The following TMEM236 variants were observed in gnomAD, a reference collection of about 807,000 sequenced individuals.
TMEM236 encodes the protein transmembrane protein 236.
A neutral mutation model predicts 14.7 loss-of-function variants in TMEM236; 11 were observed. That is an observed-to-expected ratio of 0.75 (90% CI 0.47 to 1.24). The LOEUF is 1.24. Among genes scored for constraint, TMEM236 ranks in the 50% most tolerant of loss-of-function variants. The pLI is 0.00. For synonymous variants in TMEM236, 182 were observed against 168.6 expected, an observed-to-expected ratio of 1.08 and a Z score of -0.62; for missense variants, 464 against 427.3, an observed-to-expected ratio of 1.09 and a Z score of -0.76.
chr10:17,784,511 T>A (rs2131760377), intron 3 of TMEM236, among the ~76,000 whole-genome samples: 1 of 152,312 alleles, frequency 6.6e-6, no homozygotes, highest in South Asian at 2.1e-4. Context: ...CTGATTTATA[T>A]CTCTAATTAA....
In TMEM236 at chr10:17,795,968, A is replaced by T; in HGVS notation, c.520A>T (p.Thr174Ser). The T allele has an allele frequency of 6.2e-7, 1 of 1,613,912 alleles. No individual in the cohort carries two copies. The highest frequency in any genetic ancestry group is 8.5e-7 in the Non-Finnish European group (1 of 1,179,850). ...IHSTSLQHIK[T>S]VTEQVRQSPE... ...TTCAACCTCTTTGCAACACATAAAA[A>T]CTGTGACGGAGCAAGTGAGGCAAAG... The change falls in exon 4 of 4, where the codon ACT (threonine) becomes TCT (serine). Residue 174 changes from threonine (T) to serine (S), a missense_variant. Coordinates refer to ENST00000377495, the MANE Select transcript of TMEM236 (RefSeq NM_001098844.3).
intron 3 of TMEM236, among the ~76,000 whole-genome samples, chr10:17,791,008 ACT>A (rs1288611092): frequency 1.3e-5 from 2 of 152,026 alleles, no homozygotes; most frequent in African/African-American, 4.8e-5. Flanking sequence ...GGACCATAAG[ACT>A]CTCTATAATC....
At chr10:17,771,246 A>G in intron 1 of TMEM236, 63 bp from the exon 2 acceptor site, 1 of 1,499,142 alleles carries the variant, frequency 6.7e-7, no homozygotes, top group Non-Finnish European at 9.3e-7. Flanking sequence ...AAATTAGCAA[A>G]ATGTAAGAGG....
intron 3 of TMEM236, 41 bp from the exon 4 acceptor site, chr10:17,795,880 C>A: frequency 6.3e-7 from 1 of 1,590,390 alleles, no homozygotes; most frequent in Non-Finnish European, 8.6e-7. Flanking sequence ...AAAATGGATA[C>A]ATTTTAAAAA....
intron 1 of TMEM236, among the ~76,000 whole-genome samples, chr10:17,757,430 T>C (rs972042231): frequency 1.3e-5 from 2 of 151,282 alleles, no homozygotes; most frequent in Non-Finnish European, 3.0e-5. Context: ...AGACCCTGTC[T>C]CTACAAAAAA....
chr10:17,798,448 A>C lies in TMEM236; in HGVS notation c.*1944A>C. 3 of 440,884 alleles carry C rather than the reference A, an allele frequency of 6.8e-6. No individual in the cohort carries two copies. The highest frequency in any genetic ancestry group is 5.3e-5 in the South Asian group (3 of 56,802). The allele number at this position is 440,884 out of a possible 1,614,324, so 27.3% of individuals were successfully genotyped here. ...CAGCTACTTAGGAGGCTGGGGCAGG[A>C]AGATTGCTTGAGCCCAGGAGGTCAA... On this transcript the variant is annotated 3_prime_UTR_variant, in exon 4 of 4. Transcript: ENST00000377495.
At chr10:17,776,625 A>G (rs922331614) in intron 3 of TMEM236, among the ~76,000 whole-genome samples, 6 of 152,188 alleles carry the variant, frequency 3.9e-5, no homozygotes, top group Non-Finnish European at 8.8e-5. Flanking sequence ...TAAAAATGCC[A>G]AAGATCACAC....
Position 17,799,840 on chromosome 10 carries a change from A to G in TMEM236, c.*3336A>G, listed in dbSNP as rs943696390. The G allele has an allele frequency of 1.0e-4, 9 of 89,466 alleles. No homozygotes were observed. The highest frequency in any genetic ancestry group is 2.0e-4 in the Non-Finnish European group (9 of 44,366). 5.5% of individuals were successfully genotyped at this position (89,466 alleles called of 1,614,324 possible). A position where few individuals can be genotyped will look rare whatever the true frequency, so the allele number is the denominator to read the frequency against. On this transcript the variant is annotated 3_prime_UTR_variant, in exon 4 of 4. Coordinates refer to ENST00000377495, the MANE Select transcript of TMEM236 (RefSeq NM_001098844.3). ...AATGTGCCTGATATTTTCGGAAGTC[A>G]CAACACTATACAAATAATGAAGGCA...
At chr10:17,793,374 A>G (rs1837959069) in intron 3 of TMEM236, among the ~76,000 whole-genome samples, 2 of 152,366 alleles carry the variant, frequency 1.3e-5, no homozygotes, top group African/African-American at 4.8e-5. Flanking sequence ...TGACAAAGCC[A>G]TTGGGATTTT....
chr10:17,792,868 A>G (rs898470071), intron 3 of TMEM236, among the ~76,000 whole-genome samples: 6 of 152,222 alleles, frequency 3.9e-5, no homozygotes, highest in African/African-American at 1.4e-4. Context: ...CTAAGTGGAC[A>G]TTTAGAAAGT....
intron 1 of TMEM236, among the ~76,000 whole-genome samples, chr10:17,756,615 G>A (rs1366664768): frequency 1.3e-5 from 2 of 152,170 alleles, no homozygotes; most frequent in East Asian, 3.8e-4. Flanking sequence ...ATTTTTATGA[G>A]TTTATCGTTA....
At position 17,796,486 on chromosome 10, in the gene TMEM236, T is replaced by A; in HGVS notation, c.1038T>A (p.Phe346Leu). ...CCAGAATCAGGATTTTTTCTGCCTT[T>A]GAAATGTCTCCATTTTAAAAAGGAA... is the stretch of plus-strand genomic sequence containing the variant. ...YLTRIRIFSA[F>L]EMSPF The change falls in exon 4 of 4, where the codon TTT (phenylalanine) becomes TTA (leucine). Residue 346 changes from phenylalanine (F) to leucine (L), a missense_variant. By Grantham distance (22) the Phe-to-Leu change is conservative. Transcript: ENST00000377495. The A allele has an allele frequency of 6.2e-7, 1 of 1,612,878 alleles. No individual in the cohort carries two copies. Among genetic ancestry groups the A allele is most frequent in the Non-Finnish European group, 8.5e-7 (1 of 1,178,968 alleles).
At chr10:17,761,213 T>C (rs1185876835) in intron 1 of TMEM236, among the ~76,000 whole-genome samples, 1 of 152,174 alleles carries the variant, frequency 6.6e-6, no homozygotes, top group Non-Finnish European at 1.5e-5. Flanking sequence ...AATTTTCATA[T>C]ATTCAAATCC....
chr10:17,789,476 G>A (rs1247820058), intron 3 of TMEM236, among the ~76,000 whole-genome samples: 1 of 152,114 alleles, frequency 6.6e-6, no homozygotes, highest in Non-Finnish European at 1.5e-5. Context: ...CTATTTTTAA[G>A]TGCTTTACAG....
chr10:17,778,453 A>T (rs2077916), intron 3 of TMEM236, among the ~76,000 whole-genome samples: 1 of 152,066 alleles, frequency 6.6e-6, no homozygotes, highest in South Asian at 2.1e-4. Flanking sequence ...ATGAATTAAT[A>T]TATGAATACA....
At chr10:17,765,459 C>T (rs1433834221) in intron 1 of TMEM236, among the ~76,000 whole-genome samples, 3 of 152,174 alleles carry the variant, frequency 2.0e-5, no homozygotes, top group Non-Finnish European at 4.4e-5. Context: ...CCCTCAAAAT[C>T]ATCCAAACAA....
intron 3 of TMEM236, among the ~76,000 whole-genome samples, chr10:17,784,120 T>C (rs1837797567): frequency 6.6e-6 from 1 of 152,146 alleles, no homozygotes; most frequent in Admixed American, 6.6e-5. Context: ...AGTATTTCTG[T>C]ATGGTGTAGT....
At position 17,798,759 on chromosome 10, in the gene TMEM236, T is replaced by G; in HGVS notation, c.*2255T>G. 1 of 519,586 alleles carries G rather than the reference T, an allele frequency of 1.9e-6. No individual in the cohort carries two copies. Among genetic ancestry groups the G allele is most frequent in the Non-Finnish European group, 4.0e-6 (1 of 252,396 alleles). 32.2% of individuals were successfully genotyped at this position (519,586 alleles called of 1,614,324 possible). A position where few individuals can be genotyped will look rare whatever the true frequency, so the allele number is the denominator to read the frequency against. On this transcript the variant is annotated 3_prime_UTR_variant, in exon 4 of 4. Transcript: ENST00000377495. ...TTCCACATGTAAAAGATGAACATAATACTAGTACTACATTAATAGGGTTAG... is the reference window on the plus strand; with the variant it reads ...TTCCACATGTAAAAGATGAACATAAGACTAGTACTACATTAATAGGGTTAG...
intron 1 of TMEM236, among the ~76,000 whole-genome samples, chr10:17,755,840 C>T (rs1258268736): frequency 2.6e-5 from 4 of 152,166 alleles, no homozygotes; most frequent in African/African-American, 9.7e-5. Flanking sequence ...CCCTAAGACT[C>T]TAGATTCTGA....
Sources: gnomAD v4.1 joint callset for allele counts (sites outside exome capture counted in the v4.1 genomes callset) on GRCh38, gnomAD v4.1.1 for gene constraint, MANE v1.5 for transcripts, NCBI Gene and HGNC (gene_info 2026-07-23, HGNC 2026-07-21) for gene names.